GSG1L: variants seen among roughly 807,000 people sequenced by gnomAD.
The protein encoded by GSG1L is GSG1 like, also known as germ cell-specific gene 1-like protein.
GSG1L carries 24 observed loss-of-function variants against 42.1 expected under a neutral mutation model. The ratio of observed to expected loss-of-function variants is 0.57; its 90% CI spans 0.41 to 0.80. The LOEUF is 0.80. Ranked by LOEUF, GSG1L falls within the 30% of genes least tolerant of loss-of-function variation. The probability of loss-of-function intolerance (pLI) is 0.00; values close to 1 mark genes in which losing one functional copy is unlikely to be tolerated. For missense variants in GSG1L, 445 were observed against 472.2 expected (o/e 0.94, Z 0.53); for synonymous variants, 215 against 203.5 (o/e 1.06, Z -0.48).
rs35161391 is a variant in GSG1L, at chr16:27,873,804, G to A, written c.550+10682C>T. 7.2e-5 allele frequency among the ~76,000 whole-genome samples: 11 copies of A among 152,328 alleles called. No homozygotes were observed. In the East Asian group the frequency reaches 2.1e-3, roughly 29 times the overall value. On this transcript the variant is annotated intron_variant, in intron 3 of 6. Transcript: ENST00000447459. ...AGAAGACTGAGTTTGGAGAGACTCA[G>A]CTTGGTCCACTACCTTGGGGAAAGG...
intron 4 of GSG1L, among the ~76,000 whole-genome samples, chr16:27,838,265 A>G (rs1203189162): frequency 6.6e-6 from 1 of 152,258 alleles, no homozygotes; most frequent in Non-Finnish European, 1.5e-5. Context: ...ATAAAAACAG[A>G]GAAAAGGACA....
At chr16:27,823,656 C>T (rs1490915942) in intron 5 of GSG1L, among the ~76,000 whole-genome samples, 1 of 152,144 alleles carries the variant, frequency 6.6e-6, no homozygotes, top group Non-Finnish European at 1.5e-5. Flanking sequence ...CAGAATGCAT[C>T]ATACCAGAAA....
At chr16:27,896,960 C>T (rs1352490176) in intron 2 of GSG1L, among the ~76,000 whole-genome samples, 1 of 152,186 alleles carries the variant, frequency 6.6e-6, no homozygotes, top group East Asian at 1.9e-4. Context: ...GCCACCTAGG[C>T]TGAAGCGATT....
At chr16:28,007,179 C>A (rs570416646) in intron 1 of GSG1L, among the ~76,000 whole-genome samples, 2 of 152,068 alleles carry the variant, frequency 1.3e-5, no homozygotes, top group Non-Finnish European at 2.9e-5. Flanking sequence ...AGATAAGGAT[C>A]GAGAGCTGGG....
chr16:27,812,924 C>A (rs2083049508), intron 5 of GSG1L, among the ~76,000 whole-genome samples: 1 of 152,002 alleles, frequency 6.6e-6, no homozygotes, highest in Non-Finnish European at 1.5e-5. Flanking sequence ...GGACTACGGT[C>A]GTGCACCATC....
At chr16:27,927,715 T>A (rs751468719) in intron 2 of GSG1L, among the ~76,000 whole-genome samples, 3 of 152,216 alleles carry the variant, frequency 2.0e-5, no homozygotes, top group Non-Finnish European at 2.9e-5. Context: ...TCCTCCCTGA[T>A]GCCTAGCCTA....
intron 2 of GSG1L, among the ~76,000 whole-genome samples, chr16:27,899,008 C>G (rs925191079): frequency 6.6e-6 from 1 of 152,168 alleles, no homozygotes; most frequent in Non-Finnish European, 1.5e-5. Context: ...CCCAGGGAAC[C>G]AGCTCAGCGT....
intron 2 of GSG1L, among the ~76,000 whole-genome samples, chr16:27,947,527 AAG>A (rs1183042479): frequency 6.9e-6 from 1 of 143,974 alleles, no homozygotes; most frequent in Non-Finnish European, 1.5e-5. Context: ...AAGAAAAAGA[AAG>A]AAAGAATGAA....
At chr16:27,969,831 T>C (rs1179014769) in intron 1 of GSG1L, among the ~76,000 whole-genome samples, 1 of 152,250 alleles carries the variant, frequency 6.6e-6, no homozygotes, top group African/African-American at 2.4e-5. Context: ...CAGCAACATA[T>C]GAGGATTCCA....
At chr16:27,838,019 C>A (rs1333938990) in intron 4 of GSG1L, among the ~76,000 whole-genome samples, 1 of 152,140 alleles carries the variant, frequency 6.6e-6, no homozygotes, top group Non-Finnish European at 1.5e-5. Flanking sequence ...TCTGTTTTAT[C>A]TTTAGGTCCA....
intron 1 of GSG1L, among the ~76,000 whole-genome samples, chr16:28,046,451 T>C (rs28579188): frequency 0.045 from 6,616 of 146,982 alleles, 487 homozygotes; most frequent in African/African-American, 0.15. Context: ...CCTCCCGGGT[T>C]CAAGCGATTC....
At chr16:27,879,557 G>A (rs768362391) in intron 3 of GSG1L, among the ~76,000 whole-genome samples, 5 of 152,208 alleles carry the variant, frequency 3.3e-5, no homozygotes, top group Non-Finnish European at 7.3e-5. Context: ...CGACACTGCA[G>A]TGAGCTGTGA....
intron 5 of GSG1L, among the ~76,000 whole-genome samples, chr16:27,811,938 AC>A: frequency 6.6e-6 from 1 of 152,338 alleles, no homozygotes; most frequent in African/African-American, 2.4e-5. Context: ...GGCGTGAGCC[AC>A]CATGCCTGGT....
At position 27,861,260 on chromosome 16, in the gene GSG1L, G is replaced by A. The variant is rs529159606; in HGVS notation, c.551-16199C>T. 1.6e-4 allele frequency among the ~76,000 whole-genome samples: 25 copies of A among 151,980 alleles called. No individual in the cohort carries two copies. In the South Asian group the frequency reaches 2.1e-3, roughly 13 times the overall value. ...GGCGTGGTGGTGTGCACCTGTAATC[G>A]CAGCTACTCAGGAGGCTAAGGCACG... On this transcript the variant is annotated intron_variant, in intron 3 of 6. Transcript: ENST00000447459.
At chr16:27,830,820 G>A (rs529604946) in intron 4 of GSG1L, among the ~76,000 whole-genome samples, 8 of 152,358 alleles carry the variant, frequency 5.3e-5, no homozygotes, top group African/African-American at 4.8e-5. Flanking sequence ...CTCAGAACCC[G>A]AGGATAGAGA....
intron 3 of GSG1L, among the ~76,000 whole-genome samples, chr16:27,876,656 ATAGGCAATGGAGTG>A (rs2141016948): frequency 6.6e-6 from 1 of 152,294 alleles, no homozygotes; most frequent in East Asian, 1.9e-4. Context: ...GGATGTGAGT[ATAGGCAATGGAGTG>A]AAGTTGGTAT....
At chr16:27,987,182 A>T (rs948387476) in intron 1 of GSG1L, among the ~76,000 whole-genome samples, 2 of 150,800 alleles carry the variant, frequency 1.3e-5, no homozygotes, top group South Asian at 4.2e-4. Flanking sequence ...GCACCACTGC[A>T]CTCCAGCCTG....
chr16:27,929,748 C>T (rs919656863), intron 2 of GSG1L, among the ~76,000 whole-genome samples: 14 of 152,124 alleles, frequency 9.2e-5, no homozygotes, highest in African/African-American at 2.9e-4. Context: ...GATACATCTG[C>T]CCCATGGTGA....
chr16:27,795,353 A>G (rs1597455253), intron 6 of GSG1L, among the ~76,000 whole-genome samples: 2 of 152,146 alleles, frequency 1.3e-5, no homozygotes, highest in African/African-American at 2.4e-5. Context: ...GGGGCTGGGG[A>G]GACCGTACTT....
Sources: allele counts gnomAD v4.1 joint callset (sites outside exome capture counted in the v4.1 genomes callset), GRCh38; gene constraint gnomAD v4.1.1; transcripts MANE v1.5; gene names NCBI Gene and HGNC (gene_info 2026-07-23, HGNC 2026-07-21).